The following PARD3B variants were observed in gnomAD, a reference collection of about 807,000 sequenced individuals.
PARD3B encodes par-3 family cell polarity regulator beta.
PARD3B carries 103 observed loss-of-function variants against 130.2 expected under a neutral mutation model. That is an observed-to-expected ratio of 0.79 (90% CI 0.67 to 0.93). The LOEUF (loss-of-function observed/expected upper bound fraction) is 0.93. PARD3B is among the 40% of genes least tolerant of loss of function. The pLI, the probability that PARD3B is intolerant of heterozygous loss-of-function variation, is 0.00. For synonymous variants in PARD3B, 583 were observed against 553.2 expected (o/e 1.05, Z -0.76); for missense variants, 1,609 against 1,499.2 (o/e 1.07, Z -1.21).
In PARD3B at chr2:205,550,503, T is replaced by A. The variant is rs1053035311; in HGVS notation, c.3181-2821T>A. ...CTTATGTGCAAGCTTGCTGCCTATC[T>A]TTTGAAGACTGGCCCAAGTTCTGGT... On this transcript the variant is annotated intron_variant, in intron 21 of 22. Transcript: ENST00000406610. This position sits in a 1 kb window ranked among gnomAD's most constrained non-coding sequence, Gnocchi z 4.5. Among the ~76,000 whole-genome samples the A allele has an allele frequency of 6.6e-6, 1 of 152,212 alleles. No homozygotes were observed. The highest frequency in any genetic ancestry group is 1.5e-5 in the Non-Finnish European group (1 of 68,036).
chr2:205,520,794 ATG>A (rs1206686186), intron 21 of PARD3B, among the ~76,000 whole-genome samples: 7 of 152,060 alleles, frequency 4.6e-5, no homozygotes, highest in Admixed American at 1.3e-4. Context: ...AAAATTTCTC[ATG>A]ACATTAAACA....
At chr2:204,711,584 C>T (rs755723187) in intron 2 of PARD3B, among the ~76,000 whole-genome samples, 11 of 151,612 alleles carry the variant, frequency 7.3e-5, no homozygotes, top group Non-Finnish European at 1.2e-4. Flanking sequence ...CTTGCTCTGT[C>T]ACCCAGACTG....
intron 1 of PARD3B, among the ~76,000 whole-genome samples, chr2:204,653,278 T>G (rs2035542373): frequency 1.5e-5 from 1 of 64,664 alleles, no homozygotes; most frequent in Non-Finnish European, 3.8e-5. Context: ...AAATAAAAGT[T>G]AAAATTAAAA....
chr2:204,877,993 A>G (rs16836712), intron 2 of PARD3B, among the ~76,000 whole-genome samples: 20,476 of 152,146 alleles, frequency 0.13, 2,000 homozygotes, highest in African/African-American at 0.27. Context: ...ACAGGTTGTA[A>G]ATGAAAAAGC....
At chr2:205,199,486 C>CAT (rs989187319) in intron 15 of PARD3B, among the ~76,000 whole-genome samples, 4 of 151,918 alleles carry the variant, frequency 2.6e-5, no homozygotes, top group East Asian at 1.9e-4. Context: ...CACACACACA[C>CAT]ATATATATAC....
rs2053175586 is a variant in PARD3B at position 205,562,563 on chromosome 2, T to G, written c.3260+9160T>G. ...ATCTATTAAGCTTGGTAAGCTGACT[T>G]GCATGTTTTCCCTCCTGCACATATT... is the stretch of plus-strand genomic sequence containing the variant. On this transcript the variant is annotated intron_variant, in intron 22 of 22. Coordinates refer to ENST00000406610, the MANE Select transcript of PARD3B (RefSeq NM_001302769.2). The surrounding 1 kb of genome is among the most constrained non-coding windows in gnomAD (Gnocchi z 5.4). Among the ~76,000 whole-genome samples, 1 of 152,194 alleles carries G rather than the reference T, an allele frequency of 6.6e-6. No homozygotes were observed. Among genetic ancestry groups the G allele is most frequent in the Non-Finnish European group, 1.5e-5 (1 of 68,036 alleles).
At chr2:204,833,043 A>G (rs1310531236) in intron 2 of PARD3B, among the ~76,000 whole-genome samples, 4 of 152,214 alleles carry the variant, frequency 2.6e-5, no homozygotes, top group Non-Finnish European at 4.4e-5. Context: ...AAGAAAATTT[A>G]TAACATTGAA....
At chr2:205,025,086 TG>T (rs949470000) in intron 3 of PARD3B, among the ~76,000 whole-genome samples, 3 of 152,188 alleles carry the variant, frequency 2.0e-5, no homozygotes, top group Non-Finnish European at 4.4e-5. Flanking sequence ...TTTGTATTGT[TG>T]CTGTTTATCT....
At chr2:205,331,782 CA>C (rs56654511) in intron 18 of PARD3B, among the ~76,000 whole-genome samples, 1,929 of 48,254 alleles carry the variant, frequency 0.04, 58 homozygotes, top group African/African-American at 0.19. Context: ...GACTCCGTCT[CA>C]AAAAAAAAAA....
chr2:205,211,683 A>G (rs1397806447), intron 15 of PARD3B, among the ~76,000 whole-genome samples: 1 of 152,106 alleles, frequency 6.6e-6, no homozygotes, highest in East Asian at 1.9e-4. Context: ...AACTAGCAAC[A>G]CTATCCAATG....
chr2:205,393,751 A>G (rs2045933485), intron 18 of PARD3B, among the ~76,000 whole-genome samples: 1 of 152,190 alleles, frequency 6.6e-6, no homozygotes, highest in Admixed American at 6.6e-5. Flanking sequence ...AGTTGTAGAT[A>G]GACAGAATGT....
intron 18 of PARD3B, among the ~76,000 whole-genome samples, chr2:205,359,350 T>C (rs1033172359): frequency 6.6e-6 from 1 of 152,212 alleles, no homozygotes; most frequent in African/African-American, 2.4e-5. Context: ...ATGAAATATA[T>C]AAGGGAAATC....
chr2:204,877,426 C>T (rs2045886996), intron 2 of PARD3B, among the ~76,000 whole-genome samples: 1 of 152,064 alleles, frequency 6.6e-6, no homozygotes, highest in Non-Finnish European at 1.5e-5. Context: ...AAATACAGTA[C>T]TCAGTGAGAT....
At position 205,568,352 on chromosome 2, in the gene PARD3B, A is replaced by G. The variant is rs1322094031; in HGVS notation, c.3260+14949A>G. ...CAGTGAATGCCAATAGCACCAACAG[A>G]GCAACCCAAGAGAATAACTCTAGAA... On this transcript the variant is annotated intron_variant, in intron 22 of 22. Transcript: ENST00000406610. This position sits in a 1 kb window ranked among gnomAD's most constrained non-coding sequence, Gnocchi z 5.3. 6.6e-6 allele frequency among the ~76,000 whole-genome samples: 1 copy of G among 152,244 alleles called. No individual in the cohort carries two copies.
At chr2:204,716,243 G>A (rs113323643) in intron 2 of PARD3B, among the ~76,000 whole-genome samples, 1,881 of 152,070 alleles carry the variant, frequency 0.012, 14 homozygotes, top group Non-Finnish European at 0.02. Flanking sequence ...GGAGTTAACA[G>A]TGTAGTGCCT....
At chr2:204,962,381 A>C (rs1361709044) in intron 2 of PARD3B, among the ~76,000 whole-genome samples, 1 of 152,124 alleles carries the variant, frequency 6.6e-6, no homozygotes, top group Non-Finnish European at 1.5e-5. Context: ...TCTGCATGCC[A>C]TACAAGTTTA....
At chr2:205,510,356 C>T (rs2050543941) in intron 21 of PARD3B, among the ~76,000 whole-genome samples, 1 of 152,178 alleles carries the variant, frequency 6.6e-6, no homozygotes, top group South Asian at 2.1e-4. Context: ...ATTGGAGCTC[C>T]TTAGCCTCTT....
Position 205,287,316 on chromosome 2 carries a change from A to G in PARD3B, c.2186-13214A>G, listed in dbSNP as rs1288830061. On this transcript the variant is annotated intron_variant, in intron 16 of 22. Coordinates refer to ENST00000406610, the MANE Select transcript of PARD3B (RefSeq NM_001302769.2). This position sits in a 1 kb window ranked among gnomAD's most constrained non-coding sequence, Gnocchi z 4.8. ...CAAAGATAATTTCTTGACTCCTGGC[A>G]ACTAAAATGTTCAGAGGAACATCCA... 6.6e-6 allele frequency among the ~76,000 whole-genome samples: 1 copy of G among 152,240 alleles called. No individual in the cohort carries two copies. The highest frequency in any genetic ancestry group is 1.5e-5 in the Non-Finnish European group (1 of 68,042).
chr2:204,891,136 G>T (rs930311229), intron 2 of PARD3B, among the ~76,000 whole-genome samples: 2 of 151,112 alleles, frequency 1.3e-5, no homozygotes, highest in Non-Finnish European at 2.9e-5. Context: ...TATGGAATCT[G>T]CCTGCCCGTG....
Sources: gnomAD v4.1 joint callset for allele counts (sites outside exome capture counted in the v4.1 genomes callset) on GRCh38, gnomAD v4.1.1 for gene constraint, Gnocchi (gnomAD v3.1) non-coding constraint, MANE v1.5 for transcripts, NCBI Gene and HGNC (gene_info 2026-07-23, HGNC 2026-07-21) for gene names.